CCDC7: variants seen among roughly 807,000 people sequenced by gnomAD.
The protein encoded by CCDC7 is coiled-coil domain-containing protein 7.
In CCDC7, 183 loss-of-function variants were observed where a neutral mutation model predicts 196.9. The observed-to-expected ratio is 0.93, with a 90% CI of 0.82 to 1.05. The LOEUF (loss-of-function observed/expected upper bound fraction) is 1.05, where lower values mean the gene tolerates loss of function less well. CCDC7 is among the 50% of genes least tolerant of loss of function. CCDC7 has a pLI of 0.00. For missense variants in CCDC7, 1,540 were observed against 1,482.2 expected (o/e 1.04, Z -0.64); for synonymous variants, 525 against 484.6 (o/e 1.08, Z -1.10).
upstream of CCDC7, among the ~76,000 whole-genome samples, chr10:32,447,424 T>C (rs1301181842): frequency 6.6e-6 from 1 of 152,210 alleles, no homozygotes; most frequent in Non-Finnish European, 1.5e-5. Flanking sequence ...CCTGATGGTT[T>C]TGATGGAATT....
intron 25 of CCDC7, chr10:32,725,383 G>T (rs1198934619): frequency 8.5e-6 from 4 of 470,744 alleles, no homozygotes; most frequent in African/African-American, 2.0e-5. Context: ...AAGACTGAGG[G>T]TATGTTTCAA....
At chr10:32,447,487 A>G (rs1465671292), upstream of CCDC7, among the ~76,000 whole-genome samples, 1 of 152,082 alleles carries the variant, frequency 6.6e-6, no homozygotes, top group Non-Finnish European at 1.5e-5. Context: ...TGGCAATGTA[A>G]TTTATTCAGA....
At chr10:32,582,446 C>G (rs1015099375) in intron 16 of CCDC7, among the ~76,000 whole-genome samples, 10 of 151,840 alleles carry the variant, frequency 6.6e-5, no homozygotes, top group Non-Finnish European at 1.3e-4. Flanking sequence ...ATCATCTAAA[C>G]TAGAATGTTG....
intron 9 of CCDC7, among the ~76,000 whole-genome samples, chr10:32,501,885 T>C (rs1280730775): frequency 6.6e-6 from 1 of 152,182 alleles, no homozygotes; most frequent in Admixed American, 6.6e-5. Flanking sequence ...GGAGAACTGC[T>C]CCTCTCTTCG....
rs529596849 is a variant in CCDC7 at position 32,810,625 on chromosome 10, C to T, written c.3098-3745C>T. 5.9e-5 allele frequency among the ~76,000 whole-genome samples: 9 copies of T among 152,174 alleles called. No homozygotes were observed. The East Asian group carries it at 7.7e-4, about 13-fold the overall frequency. On this transcript the variant is annotated intron_variant, in intron 30 of 41. Coordinates refer to ENST00000639629, the Ensembl canonical transcript of CCDC7. Reference sequence around the variant, plus strand: ...ACAGATTGTCTAGACAGAAAATCAACGAAGAAACATTGAGTTTAAACATCA... The same window carrying T: ...ACAGATTGTCTAGACAGAAAATCAATGAAGAAACATTGAGTTTAAACATCA...
In CCDC7 at chr10:32,772,385, G is replaced by T. The variant is rs139176621; in HGVS notation, c.2906-6592G>T. ...CCTGTAATCAGAACTCACAGCTACT[G>T]GGAGTCATAAACTTTCCCCAGGGAA... On this transcript the variant is annotated intron_variant, in intron 28 of 41. Coordinates refer to ENST00000639629, the Ensembl canonical transcript of CCDC7. 5.3e-5 allele frequency among the ~76,000 whole-genome samples: 8 copies of T among 152,294 alleles called. No individual in the cohort carries two copies. The East Asian group carries it at 1.5e-3, about 29-fold the overall frequency.
At chr10:32,753,877 T>C (rs1221489874) in intron 28 of CCDC7, among the ~76,000 whole-genome samples, 1 of 152,188 alleles carries the variant, frequency 6.6e-6, no homozygotes, top group East Asian at 1.9e-4. Flanking sequence ...GTTTATTTTT[T>C]CATAAATTTC....
chr10:32,694,987 A>T (rs747936317), exon 24 of CCDC7: 2 of 1,541,056 alleles, frequency 1.3e-6, no homozygotes, highest in African/African-American at 2.8e-5. Context: ...GAGAAAAGAC[A>T]TAGTAGTAAG....
At chr10:32,802,076 A>T (rs1168449539) in intron 29 of CCDC7, among the ~76,000 whole-genome samples, 1 of 151,996 alleles carries the variant, frequency 6.6e-6, no homozygotes, top group Non-Finnish European at 1.5e-5. Context: ...CTTGTGTCTG[A>T]TTTTCCACAA....
At chr10:32,728,849 G>T (rs2083491136) in intron 26 of CCDC7, 38 bp from the exon 28 acceptor site, 2 of 1,155,576 alleles carry the variant, frequency 1.7e-6, no homozygotes, top group Admixed American at 4.0e-5. Flanking sequence ...ATAGATTTAT[G>T]TTTCCATTTG....
At chr10:32,708,892 C>A (rs1216919261) in intron 24 of CCDC7, among the ~76,000 whole-genome samples, 1 of 152,174 alleles carries the variant, frequency 6.6e-6, no homozygotes, top group Non-Finnish European at 1.5e-5. Flanking sequence ...ACTAGTTCAA[C>A]CATTGTGGAA....
At chr10:32,827,476 G>A (rs868179760) in intron 32 of CCDC7, among the ~76,000 whole-genome samples, 28 of 152,116 alleles carry the variant, frequency 1.8e-4, no homozygotes, top group African/African-American at 5.1e-4. Flanking sequence ...ACTACCATCC[G>A]TGGACTCACA....
rs71027095 is a variant in CCDC7, at chr10:32,474,210, CTTTTTTTTTT to C, written c.796+208_796+217del. On this transcript the variant is annotated intron_variant, in intron 8 of 41. Transcript: ENST00000639629. ...GGATACGTGTTACTGAAACTAGATTCTTTTTTTTTTTTTTTTTTTTTTTTTTTTTTGGAGA... is the reference window on the plus strand; with the variant it reads ...GGATACGTGTTACTGAAACTAGATTCTTTTTTTTTTTTTTTTTTTTGGAGA... Among the ~76,000 whole-genome samples, 5 of 58,956 alleles carry C rather than the reference CTTTTTTTTTT, an allele frequency of 8.5e-5. No homozygotes were observed. The East Asian group carries it at 1.8e-3, about 21-fold the overall frequency. The allele number at this position is 58,956 out of a possible 152,430, so 38.7% of individuals were successfully genotyped here. A position where few individuals can be genotyped will look rare whatever the true frequency, so the allele number is the denominator to read the frequency against.
intron 28 of CCDC7, among the ~76,000 whole-genome samples, chr10:32,773,281 A>G (rs750631149): frequency 2.0e-5 from 3 of 152,070 alleles, no homozygotes; most frequent in Non-Finnish European, 2.9e-5. Context: ...TCTCTCTTCT[A>G]TCATTTAGCA....
intron 41 of CCDC7, among the ~76,000 whole-genome samples, chr10:32,862,754 G>A (rs1167993000): frequency 6.6e-6 from 1 of 152,004 alleles, no homozygotes. Flanking sequence ...TCTGTTTGAA[G>A]ACAACATGAT....
chr10:32,523,535 C>A (rs2048190274), intron 11 of CCDC7, among the ~76,000 whole-genome samples: 1 of 141,308 alleles, frequency 7.1e-6, no homozygotes. Context: ...GGTGACAGAG[C>A]AAGACGCTGT....
chr10:32,758,154 C>G (rs1414638238), intron 28 of CCDC7, among the ~76,000 whole-genome samples: 2 of 152,090 alleles, frequency 1.3e-5, no homozygotes, highest in Non-Finnish European at 2.9e-5. Context: ...GATTCACAAC[C>G]GAATTCTACC....
At chr10:32,826,914 T>C (rs931910359) in intron 32 of CCDC7, among the ~76,000 whole-genome samples, 2 of 152,202 alleles carry the variant, frequency 1.3e-5, no homozygotes, top group Non-Finnish European at 2.9e-5. Flanking sequence ...TTGGAGCCAA[T>C]AGTTTGTCTG....
intron 20 of CCDC7, among the ~76,000 whole-genome samples, chr10:32,649,780 C>G (rs369338757): frequency 3.9e-4 from 60 of 152,148 alleles, no homozygotes; most frequent in African/African-American, 1.4e-3. Flanking sequence ...CTCTGAGATT[C>G]TTTCCTCAAC....
Sources: allele counts gnomAD v4.1 joint callset (sites outside exome capture counted in the v4.1 genomes callset), GRCh38; gene constraint gnomAD v4.1.1; transcripts MANE v1.5; gene names NCBI Gene and HGNC (gene_info 2026-07-23, HGNC 2026-07-21).